SEC16B: variants seen among roughly 807,000 people sequenced by gnomAD.
SEC16B encodes the protein SEC16 homolog B, endoplasmic reticulum export factor.
In SEC16B, 115 loss-of-function variants were observed where a neutral mutation model predicts 141.8. That is an observed-to-expected ratio of 0.81 (90% CI 0.70 to 0.95). The LOEUF is 0.95. Ranked by LOEUF, SEC16B falls within the 40% of genes least tolerant of loss-of-function variation. The pLI is 0.00. For synonymous variants in SEC16B, 493 were observed against 492.5 expected, an observed-to-expected ratio of 1.00 and a Z score of -0.01; for missense variants, 1,291 against 1,312.3, an observed-to-expected ratio of 0.98 and a Z score of 0.25.
chr1:177,984,088 A>G (rs1654535319), intron 1 of SEC16B: 1 of 152,194 alleles, frequency 6.6e-6, no homozygotes, highest in Non-Finnish European at 1.5e-5. Flanking sequence ...GTTGAGACCA[A>G]ATGCTTCTCA....
Position 177,967,730 on chromosome 1 carries a change from A to T in SEC16B, c.252T>A (p.Ser84=), listed in dbSNP as rs1653652851. ...SRPGDWHQPV[S]GVDYYEGGYR... ...AACCACCTTCGTAATAGTCAACTCC[A>T]GACACAGGCTGATGCCAGTCCCCTG... Residue 84 remains serine, a synonymous_variant, in exon 2 of 26, where the codon TCT becomes TCA. Transcript: ENST00000308284. The T allele has an allele frequency of 1.2e-6, 2 of 1,612,788 alleles. No individual in the cohort carries two copies. The highest frequency in any genetic ancestry group is 2.7e-5 in the African/African-American group (2 of 74,914).
At chr1:177,940,202 AG>A in intron 17 of SEC16B, among the ~76,000 whole-genome samples, 1 of 152,234 alleles carries the variant, frequency 6.6e-6, no homozygotes, top group South Asian at 2.1e-4. Context: ...CAGAACAAAA[AG>A]GAAAAGGCCC....
intron 1 of SEC16B, among the ~76,000 whole-genome samples, chr1:177,976,290 C>T (rs1474072283): frequency 6.6e-6 from 1 of 152,172 alleles, no homozygotes; most frequent in African/African-American, 2.4e-5. Flanking sequence ...CTCCTCTCTT[C>T]ACCCCTCCCG....
chr1:177,973,484 A>G (rs185021831), upstream of SEC16B, among the ~76,000 whole-genome samples: 278 of 152,326 alleles, frequency 1.8e-3, no homozygotes, highest in Non-Finnish European at 2.8e-3. Flanking sequence ...ATTAACTGAC[A>G]TTATTTTTAA....
At position 177,960,734 on chromosome 1, in the gene SEC16B, TAGG is replaced by T. The variant is rs564639142; in HGVS notation, c.936+54_936+56del. ...GCACAGGAAAGCAAGGTAAGCATGT[TAGG>T]AGTAGTTGGGTAAGCAGTGTGCCAG... is the stretch of plus-strand genomic sequence containing the variant. On this transcript the variant is annotated intron_variant, in intron 7 of 25. Coordinates refer to ENST00000308284, the MANE Select transcript of SEC16B (RefSeq NM_033127.4). 405 of 1,520,334 alleles carry T rather than the reference TAGG, an allele frequency of 2.7e-4. 6 individuals are homozygous for T. In the East Asian group the frequency reaches 9.3e-3, roughly 35 times the overall value. 94.2% of individuals were successfully genotyped at this position (1,520,334 alleles called of 1,614,324 possible).
chr1:177,935,809 G>T (rs766773071), intron 20 of SEC16B, among the ~76,000 whole-genome samples: 8 of 152,210 alleles, frequency 5.3e-5, no homozygotes, highest in Non-Finnish European at 1.0e-4. Flanking sequence ...ATTGCTGAGG[G>T]CAGGGGTGTG....
chr1:177,944,674 C>T lies in SEC16B; in HGVS notation c.1776-8G>A, dbSNP rs764073889. 1.0e-5 allele frequency: 16 copies of T among 1,607,524 alleles called. No homozygotes were observed. Among genetic ancestry groups the T allele is most frequent in the Non-Finnish European group, 1.4e-5 (16 of 1,174,478 alleles). On this transcript the variant is annotated splice_polypyrimidine_tract_variant and splice_region_variant and intron_variant, in intron 14 of 25. Coordinates refer to ENST00000308284, the MANE Select transcript of SEC16B (RefSeq NM_033127.4). ...AATTTCAAAAACTCTTGACTAAAAC[C>T]AGAGAATAACAATAAAAGAGATTGA...
At position 177,965,942 on chromosome 1, in the gene SEC16B, A is replaced by G; in HGVS notation, c.363T>C (p.Tyr121=). 1 of 1,600,210 alleles carries G rather than the reference A, an allele frequency of 6.2e-7. No homozygotes were observed. Among genetic ancestry groups the G allele is most frequent in the Middle Eastern group, 1.7e-4 (1 of 6,044 alleles). Residue 121 remains tyrosine, a synonymous_variant, in exon 3 of 26, where the codon TAT becomes TAC. Coordinates refer to ENST00000308284, the MANE Select transcript of SEC16B (RefSeq NM_033127.4). ...QSPTMREEYA[Y]GSYYYHGHPQ... ...GGTGTCCATGATAGTAATAACTTCC[A>G]TAAGCATATTCCTCCCTCATTGTGG...
intron 25 of SEC16B, among the ~76,000 whole-genome samples, chr1:177,930,328 A>G (rs554836300): frequency 1.6e-4 from 24 of 152,334 alleles, no homozygotes; most frequent in South Asian, 1.0e-3. Context: ...AACTACATTT[A>G]TTGACCATTT....
intron 13 of SEC16B, 121 bp downstream of exon 13, chr1:177,947,691 ACGGGGAGGGGAGG>A (rs1651815774): frequency 7.0e-6 from 4 of 574,060 alleles, no homozygotes; most frequent in Admixed American, 2.7e-5. Flanking sequence ...GCTGACCTGG[ACGGGGAGGGGAGG>A]TGAGGAGAGG....
intron 19 of SEC16B, 23 bp downstream of exon 19, chr1:177,937,191 C>T (rs773547139): frequency 6.3e-7 from 1 of 1,580,946 alleles, no homozygotes; most frequent in Admixed American, 1.8e-5. Flanking sequence ...TTCAATGTGG[C>T]CACCCTAGCG....
At position 177,946,628 on chromosome 1, in the gene SEC16B, G is replaced by A; in HGVS notation, c.1664-97C>T. ...GGAGACAGATGGAAGAGTGGCCTCG[G>A]GGGTCAGAGGGGAGAAGCCACATGG... is the stretch of plus-strand genomic sequence containing the variant. On this transcript the variant is annotated intron_variant, in intron 13 of 25. Coordinates refer to ENST00000308284, the MANE Select transcript of SEC16B (RefSeq NM_033127.4). 3 of 844,016 alleles carry A rather than the reference G, an allele frequency of 3.6e-6. No individual in the cohort carries two copies. The East Asian group carries it at 8.0e-5, about 22-fold the overall frequency. The allele number at this position is 844,016 out of a possible 1,614,324, so 52.3% of individuals were successfully genotyped here. A position where few individuals can be genotyped will look rare whatever the true frequency, so the allele number is the denominator to read the frequency against.
chr1:177,978,340 G>T (rs1654261014), intron 1 of SEC16B, among the ~76,000 whole-genome samples: 1 of 152,154 alleles, frequency 6.6e-6, no homozygotes, highest in East Asian at 1.9e-4. Flanking sequence ...TCTAGGAAAA[G>T]CACTCAGCAC....
intron 3 of SEC16B, 41 bp from the exon 4 acceptor site, chr1:177,965,208 C>T: frequency 6.2e-7 from 1 of 1,608,284 alleles, no homozygotes; most frequent in East Asian, 2.2e-5. Flanking sequence ...AGGTCACTTC[C>T]TGTTTCTGAA....
chr1:177,967,700 G>A lies in SEC16B; in HGVS notation c.282C>T (p.Arg94=), dbSNP rs1571352040. ...SGVDYYEGGY[R]NQLYSRPGYE... is the part of the protein sequence containing the mutation. ...AGCCATACCTTGAATACAACTGATT[G>A]CGATAACCACCTTCGTAATAGTCAA... Residue 94 remains arginine, a synonymous_variant, in exon 2 of 26, where the codon CGC becomes CGT. Coordinates refer to ENST00000308284, the MANE Select transcript of SEC16B (RefSeq NM_033127.4). The A allele has an allele frequency of 6.2e-7, 1 of 1,603,250 alleles. No homozygotes were observed. Among genetic ancestry groups the A allele is most frequent in the East Asian group, 2.2e-5 (1 of 44,644 alleles).
At chr1:177,930,088 CTG>C (rs1371731681) in intron 25 of SEC16B, among the ~76,000 whole-genome samples, 159 bp from the exon 26 acceptor site, 1 of 152,184 alleles carries the variant, frequency 6.6e-6, no homozygotes, top group African/African-American at 2.4e-5. Flanking sequence ...CTTCACCTAA[CTG>C]TGGTAAAAGA....
rs1200409509 is a variant in SEC16B at position 177,929,708 on chromosome 1, T to A, written c.*150A>T. 1.4e-6 allele frequency: 1 copy of A among 702,972 alleles called. No homozygotes were observed. The highest frequency in any genetic ancestry group is 2.5e-6 in the Non-Finnish European group (1 of 398,448). The allele number at this position is 702,972 out of a possible 1,614,324, so 43.5% of individuals were successfully genotyped here. A position where few individuals can be genotyped will look rare whatever the true frequency, so the allele number is the denominator to read the frequency against. ...TTGTGCTGTGTCTTGAGAGATCCTG[T>A]CCTCTTGCCTTCTAAGTGCCCGGTG... On this transcript the variant is annotated 3_prime_UTR_variant, in exon 26 of 26. Coordinates refer to ENST00000308284, the MANE Select transcript of SEC16B (RefSeq NM_033127.4).
chr1:177,977,634 G>C (rs879852975), intron 1 of SEC16B, among the ~76,000 whole-genome samples: 6 of 152,144 alleles, frequency 3.9e-5, no homozygotes, highest in African/African-American at 4.8e-5. Flanking sequence ...TCTCATTGCA[G>C]CTGTCTGAAT....
intron 16 of SEC16B, among the ~76,000 whole-genome samples, chr1:177,941,111 A>T (rs1571315088): frequency 6.6e-6 from 1 of 152,360 alleles, no homozygotes; most frequent in East Asian, 1.9e-4. Context: ...GCAGGGCCTA[A>T]GAGTCTGCAC....
Sources: gnomAD v4.1 joint callset for allele counts (sites outside exome capture counted in the v4.1 genomes callset) on GRCh38, gnomAD v4.1.1 for gene constraint, MANE v1.5 for transcripts, NCBI Gene and HGNC (gene_info 2026-07-23, HGNC 2026-07-21) for gene names.